Variants in PHYHIPL observed in about 807,000 individuals in gnomAD.
PHYHIPL encodes the protein phytanoyl-CoA 2-hydroxylase interacting protein like.
A neutral mutation model predicts 33.4 loss-of-function variants in PHYHIPL; 9 were observed. The ratio of observed to expected loss-of-function variants is 0.27; its 90% CI spans 0.16 to 0.47. PHYHIPL has a LOEUF of 0.47. PHYHIPL is among the 20% of genes least tolerant of loss of function. The pLI, the probability that PHYHIPL is intolerant of heterozygous loss-of-function variation, is 0.99. For synonymous variants in PHYHIPL, 153 were observed against 154.1 expected (o/e 0.99, Z 0.05); for missense variants, 365 against 460.7 (o/e 0.79, Z 1.90).
At chr10:59,227,808 T>C (rs893433450) in intron 1 of PHYHIPL, among the ~76,000 whole-genome samples, 2 of 152,172 alleles carry the variant, frequency 1.3e-5, no homozygotes, top group African/African-American at 2.4e-5. Context: ...TGCTTAATCC[T>C]AGTTCCCAAT....
At chr10:59,222,846 T>A (rs1368889826) in intron 1 of PHYHIPL, among the ~76,000 whole-genome samples, 1 of 152,162 alleles carries the variant, frequency 6.6e-6, no homozygotes, top group Non-Finnish European at 1.5e-5. Flanking sequence ...TTTATATTAG[T>A]GCATTGTTAA....
intron 1 of PHYHIPL, among the ~76,000 whole-genome samples, chr10:59,202,849 A>G (rs1172636820): frequency 6.6e-6 from 1 of 152,170 alleles, no homozygotes; most frequent in Non-Finnish European, 1.5e-5. Flanking sequence ...AATAAAATCA[A>G]TAAGTACCTT....
chr10:59,189,676 A>T (rs1456119722), intron 1 of PHYHIPL, among the ~76,000 whole-genome samples: 1 of 152,040 alleles, frequency 6.6e-6, no homozygotes, highest in Admixed American at 6.6e-5. Context: ...TTTGAGAATC[A>T]ATATATTTAA....
intron 1 of PHYHIPL, among the ~76,000 whole-genome samples, chr10:59,213,768 C>T (rs1026584554): frequency 2.6e-5 from 4 of 152,020 alleles, no homozygotes; most frequent in African/African-American, 9.7e-5. Context: ...AAACAAAAAA[C>T]AAAAAACACC....
At chr10:59,227,703 A>G (rs936379799) in intron 1 of PHYHIPL, among the ~76,000 whole-genome samples, 2 of 152,164 alleles carry the variant, frequency 1.3e-5, no homozygotes, top group Admixed American at 6.5e-5. Flanking sequence ...CTGAAACACA[A>G]TGGTAGAAGA....
chr10:59,227,975 G>GATAGATATATATATATATATATAT (rs1554799095), intron 1 of PHYHIPL, among the ~76,000 whole-genome samples: 3 of 145,490 alleles, frequency 2.1e-5, no homozygotes, highest in African/African-American at 8.0e-5. Flanking sequence ...TGCCTATTGA[G>GATAGATATATATATATATATATAT]ATATATATAT....
chr10:59,188,625 A>G (rs969859757), intron 1 of PHYHIPL, among the ~76,000 whole-genome samples: 2 of 152,110 alleles, frequency 1.3e-5, no homozygotes, highest in African/African-American at 4.8e-5. Flanking sequence ...GTCACTAAGG[A>G]CTTGCTTTAT....
intron 1 of PHYHIPL, among the ~76,000 whole-genome samples, chr10:59,186,077 T>C (rs1383926877): frequency 6.6e-6 from 1 of 152,216 alleles, no homozygotes; most frequent in Non-Finnish European, 1.5e-5. Flanking sequence ...TGGGTTTTCT[T>C]CTAGGGTTTT....
At chr10:59,176,618 C>T (rs1366180445), upstream of PHYHIPL, 13 of 356,542 alleles carry the variant, frequency 3.6e-5, no homozygotes, top group Non-Finnish European at 6.1e-5. Context: ...CTCCCATCCT[C>T]GCGCCGGGTC....
intron 1 of PHYHIPL, among the ~76,000 whole-genome samples, chr10:59,224,510 A>AAC (rs1279434509): frequency 2.0e-5 from 3 of 151,830 alleles, no homozygotes; most frequent in Admixed American, 1.3e-4. Context: ...AACAAAACAA[A>AAC]AAACAAAACA....
At chr10:59,181,086 G>A (rs919657637) in intron 1 of PHYHIPL, among the ~76,000 whole-genome samples, 1 of 152,096 alleles carries the variant, frequency 6.6e-6, no homozygotes, top group Non-Finnish European at 1.5e-5. Context: ...TTAGCCTCAA[G>A]CTTTCTTATG....
chr10:59,188,599 C>CT (rs1334361136), intron 1 of PHYHIPL, among the ~76,000 whole-genome samples: 1 of 152,146 alleles, frequency 6.6e-6, no homozygotes, highest in Middle Eastern at 3.2e-3. Flanking sequence ...GTGTGGGAGT[C>CT]TAAGTCTCTT....
At chr10:59,213,626 C>T (rs1352717454) in intron 1 of PHYHIPL, among the ~76,000 whole-genome samples, 1 of 152,070 alleles carries the variant, frequency 6.6e-6, no homozygotes, top group Non-Finnish European at 1.5e-5. Flanking sequence ...AACATGAGCT[C>T]CAGCCACAGA....
chr10:59,246,755 T>C lies in PHYHIPL; in HGVS notation c.*1164T>C, dbSNP rs1356786215. On this transcript the variant is annotated 3_prime_UTR_variant, in exon 5 of 5. Coordinates refer to ENST00000373880, the MANE Select transcript of PHYHIPL (RefSeq NM_032439.4). ...TTACAAAGTATAGATGTTGGAACAT[T>C]AAGAAAAATGTATATTCCCAATGAA... 1 of 396,274 alleles carries C rather than the reference T, an allele frequency of 2.5e-6. No individual in the cohort carries two copies. The highest frequency in any genetic ancestry group is 4.5e-6 in the Non-Finnish European group (1 of 224,598). 24.5% of individuals were successfully genotyped at this position (396,274 alleles called of 1,614,324 possible). A position where few individuals can be genotyped will look rare whatever the true frequency, so the allele number is the denominator to read the frequency against.
intron 1 of PHYHIPL, among the ~76,000 whole-genome samples, chr10:59,202,375 T>C (rs886931092): frequency 6.6e-6 from 1 of 152,194 alleles, no homozygotes; most frequent in Non-Finnish European, 1.5e-5. Flanking sequence ...TAAAAAGTTA[T>C]TCCATGTCAA....
intron 1 of PHYHIPL, among the ~76,000 whole-genome samples, chr10:59,192,517 T>A (rs1838809013): frequency 6.6e-6 from 1 of 152,082 alleles, no homozygotes; most frequent in Admixed American, 6.6e-5. Context: ...AAGAATTTCT[T>A]AGGTGGGGAA....
At chr10:59,233,032 A>G (rs1007076475) in intron 1 of PHYHIPL, among the ~76,000 whole-genome samples, 6 of 151,958 alleles carry the variant, frequency 3.9e-5, no homozygotes, top group African/African-American at 7.2e-5. Flanking sequence ...TAGTTTTTCC[A>G]GGAGTTTTGT....
At chr10:59,185,819 T>G (rs1838581124) in intron 1 of PHYHIPL, among the ~76,000 whole-genome samples, 4 of 152,332 alleles carry the variant, frequency 2.6e-5, no homozygotes, top group African/African-American at 9.6e-5. Flanking sequence ...GTTGTTTGTT[T>G]TTTTCTTGTA....
At chr10:59,193,409 G>A (rs2452516) in intron 1 of PHYHIPL, among the ~76,000 whole-genome samples, 7,015 of 152,200 alleles carry the variant, frequency 0.046, 451 homozygotes, top group African/African-American at 0.14. Flanking sequence ...TAAATACAGT[G>A]CATAAAATAA....
Sources: allele counts gnomAD v4.1 joint callset (sites outside exome capture counted in the v4.1 genomes callset), GRCh38; gene constraint gnomAD v4.1.1; transcripts MANE v1.5; gene names NCBI Gene and HGNC (gene_info 2026-07-23, HGNC 2026-07-21).